TRHDE: variants seen among roughly 807,000 people sequenced by gnomAD.
TRHDE encodes the protein thyrotropin releasing hormone degrading enzyme, also known as thyrotropin-releasing hormone-degrading ectoenzyme.
In TRHDE, 72 loss-of-function variants were observed where a neutral mutation model predicts 125.7. The observed-to-expected ratio is 0.57, with a 90% CI of 0.47 to 0.70. The LOEUF (loss-of-function observed/expected upper bound fraction) is 0.70. TRHDE is among the 30% of genes least tolerant of loss of function. The pLI, the probability that TRHDE is intolerant of heterozygous loss-of-function variation, is 0.00. For missense variants in TRHDE, 1,110 were observed against 1,327.1 expected, an observed-to-expected ratio of 0.84 and a Z score of 2.54; for synonymous variants, 509 against 509.1, an observed-to-expected ratio of 1.00 and a Z score of 0.00.
chr12:72,385,833 G>A (rs1872387892), intron 3 of TRHDE, among the ~76,000 whole-genome samples: 1 of 152,228 alleles, frequency 6.6e-6, no homozygotes, highest in Admixed American at 6.5e-5. Context: ...ATGCAAAAAA[G>A]AGAGATAAGC....
At chr12:72,585,568 T>C (rs1871406530) in intron 12 of TRHDE, among the ~76,000 whole-genome samples, 1 of 152,204 alleles carries the variant, frequency 6.6e-6, no homozygotes, top group African/African-American at 2.4e-5. Flanking sequence ...TAATGCCTAC[T>C]CTAAGAGGAA....
chr12:72,360,690 A>G (rs1871031206), intron 2 of TRHDE, among the ~76,000 whole-genome samples: 1 of 151,850 alleles, frequency 6.6e-6, no homozygotes, highest in Non-Finnish European at 1.5e-5. Context: ...AGTAAAAAAT[A>G]TAAAATGAAT....
chr12:72,438,662 A>G (rs1874857608), intron 3 of TRHDE, among the ~76,000 whole-genome samples: 2 of 151,886 alleles, frequency 1.3e-5, no homozygotes, highest in East Asian at 1.9e-4. Context: ...AGTTCTTTAT[A>G]TATTTTGGAT....
At chr12:72,368,627 C>G (rs1871440258) in intron 2 of TRHDE, among the ~76,000 whole-genome samples, 1 of 152,046 alleles carries the variant, frequency 6.6e-6, no homozygotes, top group South Asian at 2.1e-4. Context: ...AAGAAGGGAG[C>G]TTTTGTCTTT....
chr12:72,584,162 C>T (rs1227500311), intron 12 of TRHDE, among the ~76,000 whole-genome samples: 1 of 152,006 alleles, frequency 6.6e-6, no homozygotes, highest in Admixed American at 6.6e-5. Flanking sequence ...ATTTGTGTTT[C>T]ATCTCTATAG....
At chr12:72,650,980 G>T (rs1173506023) in intron 15 of TRHDE, among the ~76,000 whole-genome samples, 1 of 152,000 alleles carries the variant, frequency 6.6e-6, no homozygotes, top group Non-Finnish European at 1.5e-5. Flanking sequence ...GGCTTTTGTT[G>T]GTACTTTCCA....
At chr12:72,563,070 T>C (rs1282290554) in intron 9 of TRHDE, 30 bp downstream of exon 9, 2 of 1,462,216 alleles carry the variant, frequency 1.4e-6, no homozygotes, top group African/African-American at 1.4e-5. Context: ...GTGAAAAATA[T>C]TGTTTTTATT....
chr12:72,182,334 T>C (rs934252512), intron 2 of TRHDE, among the ~76,000 whole-genome samples: 2 of 152,178 alleles, frequency 1.3e-5, no homozygotes, highest in Non-Finnish European at 2.9e-5. Flanking sequence ...AATTAAGAGC[T>C]GTAGAGACTG....
intron 2 of TRHDE, among the ~76,000 whole-genome samples, chr12:72,204,232 T>C (rs1877619572): frequency 1.3e-5 from 2 of 152,124 alleles, no homozygotes; most frequent in African/African-American, 4.8e-5. Context: ...ATAGCATGTT[T>C]CTATTTTCCT....
intron 3 of TRHDE, among the ~76,000 whole-genome samples, chr12:72,429,952 C>A (rs1476340051): frequency 6.6e-6 from 1 of 151,648 alleles, no homozygotes; most frequent in African/African-American, 2.4e-5. Flanking sequence ...TTCTTAAATT[C>A]TGTGGGTTGT....
chr12:72,579,031 T>A (rs1040144331), intron 12 of TRHDE, among the ~76,000 whole-genome samples: 8 of 151,128 alleles, frequency 5.3e-5, no homozygotes, highest in African/African-American at 1.5e-4. Context: ...GACTCATTTA[T>A]AAAAATAAAT....
chr12:72,123,382 C>T (rs1875637714), intron 2 of TRHDE, among the ~76,000 whole-genome samples: 1 of 151,984 alleles, frequency 6.6e-6, no homozygotes, highest in Admixed American at 6.6e-5. Context: ...AAAAATAATA[C>T]ATTTTCATTA....
intron 2 of TRHDE, among the ~76,000 whole-genome samples, chr12:72,153,833 G>A (rs560646935): frequency 4.3e-4 from 65 of 152,278 alleles, no homozygotes; most frequent in Non-Finnish European, 7.9e-4. Flanking sequence ...GTCAATTTTG[G>A]AATAGGTGTG....
intron 2 of TRHDE, among the ~76,000 whole-genome samples, chr12:72,363,341 C>A (rs1014194401): frequency 5.9e-5 from 9 of 151,760 alleles, no homozygotes; most frequent in Non-Finnish European, 1.0e-4. Flanking sequence ...AGTCCAATAT[C>A]CTTGATGAAC....
intron 3 of TRHDE, among the ~76,000 whole-genome samples, chr12:72,404,441 AAAAAC>A (rs955598080): frequency 3.3e-5 from 5 of 152,158 alleles, no homozygotes; most frequent in African/African-American, 4.8e-5. Flanking sequence ...TTCTGTCTCA[AAAAAC>A]AAAACAAAAC....
intron 2 of TRHDE, among the ~76,000 whole-genome samples, chr12:72,136,395 G>A (rs1281484991): frequency 6.6e-6 from 1 of 152,158 alleles, no homozygotes; most frequent in East Asian, 1.9e-4. Flanking sequence ...AATTAAATAG[G>A]CTACATTGAA....
intron 3 of TRHDE, among the ~76,000 whole-genome samples, chr12:72,409,553 G>A (rs975862664): frequency 6.6e-6 from 1 of 152,204 alleles, no homozygotes; most frequent in Admixed American, 6.5e-5. Context: ...CCCAGATAGA[G>A]GATGCCCCTT....
At chr12:72,546,883 G>A (rs534095287) in intron 7 of TRHDE, among the ~76,000 whole-genome samples, 1 of 151,772 alleles carries the variant, frequency 6.6e-6, no homozygotes, top group South Asian at 2.1e-4. Flanking sequence ...AAGCCCACAT[G>A]CCTGCTCTCT....
At chr12:72,420,392 G>C (rs548489375) in intron 3 of TRHDE, among the ~76,000 whole-genome samples, 1 of 152,254 alleles carries the variant, frequency 6.6e-6, no homozygotes, top group East Asian at 1.9e-4. Context: ...CAGAAAGACT[G>C]TCTCATGTCT....
Sources: gnomAD v4.1 joint callset for allele counts (sites outside exome capture counted in the v4.1 genomes callset) on GRCh38, gnomAD v4.1.1 for gene constraint, MANE v1.5 for transcripts, NCBI Gene and HGNC (gene_info 2026-07-23, HGNC 2026-07-21) for gene names.